KIZ: variants seen among roughly 807,000 people sequenced by gnomAD.
KIZ encodes the protein kizuna centrosomal protein.
A neutral mutation model predicts 79.6 loss-of-function variants in KIZ; 68 were observed. The observed-to-expected ratio is 0.85, with a 90% CI of 0.70 to 1.05. KIZ has a LOEUF of 1.05. Ranked by LOEUF, KIZ falls within the 50% of genes least tolerant of loss-of-function variation. The probability of loss-of-function intolerance (pLI) is 0.00; values close to 1 mark genes in which losing one functional copy is unlikely to be tolerated. For synonymous variants in KIZ, 280 were observed against 281.8 expected (o/e 0.99, Z 0.06); for missense variants, 797 against 800.4 (o/e 1.00, Z 0.05).
At chr20:21,215,533 T>G in intron 8 of KIZ, 50 bp from the exon 9 acceptor site, 1 of 1,094,586 alleles carries the variant, frequency 9.1e-7, no homozygotes, top group Non-Finnish European at 1.4e-6. Flanking sequence ...CCAAAGGATC[T>G]ATTCCTTAAC....
chr20:21,151,376 CTCTGTGGCAGTAT>C (rs1207689775), intron 4 of KIZ: 1 of 152,144 alleles, frequency 6.6e-6, no homozygotes, highest in African/African-American at 2.4e-5. Flanking sequence ...CTTTGCTCTT[CTCTGTGGCAGTAT>C]TCTGTGGCAA....
At chr20:21,166,148 ATT>A (rs34056823) in intron 6 of KIZ, 4,843 of 657,210 alleles carry the variant, frequency 7.4e-3, no homozygotes, top group Middle Eastern at 0.011. Context: ...TGTATTTTGT[ATT>A]TTTTTTTTTT....
At chr20:21,169,190 A>G (rs1021970004) in intron 6 of KIZ, among the ~76,000 whole-genome samples, 4 of 152,206 alleles carry the variant, frequency 2.6e-5, no homozygotes, top group Non-Finnish European at 5.9e-5. Context: ...CTCATCTGAC[A>G]AAGGGCTAAT....
chr20:21,224,155 T>C, intron 9 of KIZ, among the ~76,000 whole-genome samples: 1 of 151,950 alleles, frequency 6.6e-6, no homozygotes. Context: ...CACCATGCAG[T>C]GGTGCAGATA....
intron 4 of KIZ, among the ~76,000 whole-genome samples, chr20:21,156,058 TG>T (rs759135847): frequency 6.6e-6 from 1 of 152,206 alleles, no homozygotes; most frequent in African/African-American, 2.4e-5. Flanking sequence ...TCCTCAGTAC[TG>T]GGGGGTTATA....
In KIZ at chr20:21,204,110, T is replaced by TG. The variant is rs2035708748; in HGVS notation, c.1353-1381_1353-1380insG. 2.4e-5 allele frequency among the ~76,000 whole-genome samples: 3 copies of TG among 125,354 alleles called. No homozygotes were observed. The South Asian group carries it at 8.2e-4, about 34-fold the overall frequency. The allele number at this position is 125,354 out of a possible 152,430, so 82.2% of individuals were successfully genotyped here. A position where few individuals can be genotyped will look rare whatever the true frequency, so the allele number is the denominator to read the frequency against. ...TCCCCTTAAGAGTCATCTATGTTTT[T>TG]TTTTTTTTTTTTTTTTTTTTTTTGA... On this transcript the variant is annotated intron_variant, in intron 6 of 12. Transcript: ENST00000619189.
chr20:21,137,152 T>A (rs1447816972), intron 3 of KIZ, among the ~76,000 whole-genome samples: 1 of 152,220 alleles, frequency 6.6e-6, no homozygotes, highest in African/African-American at 2.4e-5. Flanking sequence ...AAACAGTGCA[T>A]TGGGAGAGTA....
At chr20:21,243,044 A>AGT in intron 11 of KIZ, among the ~76,000 whole-genome samples, 1 of 152,152 alleles carries the variant, frequency 6.6e-6, no homozygotes, top group South Asian at 2.1e-4. Context: ...AGTTGCATTT[A>AGT]GTGTGTGTGT....
intron 6 of KIZ, among the ~76,000 whole-genome samples, chr20:21,175,552 C>T (rs1297280939): frequency 6.6e-6 from 1 of 152,180 alleles, no homozygotes; most frequent in Admixed American, 6.5e-5. Context: ...CTGAGAAGCA[C>T]TTGGTGAAGG....
At chr20:21,194,426 C>T (rs2035250522) in intron 6 of KIZ, 2 of 152,184 alleles carry the variant, frequency 1.3e-5, no homozygotes, top group East Asian at 1.9e-4. Flanking sequence ...TTCTATAACA[C>T]ATAGTCTTTA....
At chr20:21,144,267 A>G (rs770607454) in intron 3 of KIZ, 9 of 152,186 alleles carry the variant, frequency 5.9e-5, no homozygotes, top group Non-Finnish European at 1.0e-4. Context: ...GTAAGAAAAC[A>G]TTTGTAGTCA....
intron 6 of KIZ, among the ~76,000 whole-genome samples, chr20:21,183,081 A>G (rs2034727069): frequency 6.6e-6 from 1 of 152,194 alleles, no homozygotes; most frequent in African/African-American, 2.4e-5. Context: ...TGAGTAGGCA[A>G]CTGCACGATT....
intron 6 of KIZ, among the ~76,000 whole-genome samples, chr20:21,173,098 T>TC (rs1209825398): frequency 6.6e-6 from 1 of 152,156 alleles, no homozygotes; most frequent in Non-Finnish European, 1.5e-5. Context: ...GGGTTGAACT[T>TC]CAATTGAAAT....
chr20:21,238,082 C>T (rs1164583417), intron 11 of KIZ, among the ~76,000 whole-genome samples: 1 of 152,076 alleles, frequency 6.6e-6, no homozygotes, highest in African/African-American at 2.4e-5. Flanking sequence ...CCACTCTCCT[C>T]GGCCTCCCAA....
chr20:21,226,345 T>A (rs925191086), intron 9 of KIZ: 2 of 152,374 alleles, frequency 1.3e-5, no homozygotes, highest in African/African-American at 4.8e-5. Context: ...ATGCCCACCC[T>A]GTCCAGTCTG....
rs2036429885 is a variant in KIZ, at chr20:21,219,463, A to G, written c.1678+3815A>G. On this transcript the variant is annotated intron_variant, in intron 9 of 12. Transcript: ENST00000619189. ...CTCCCAAGTAGCTGGGACTACAGGC[A>G]TGCACCACCATGCCTGGCTAATTTT... is the stretch of plus-strand genomic sequence containing the variant. Among the ~76,000 whole-genome samples, 6 of 152,180 alleles carry G rather than the reference A, an allele frequency of 3.9e-5. No individual in the cohort carries two copies. In the South Asian group the frequency reaches 1.2e-3, roughly 32 times the overall value.
chr20:21,145,543 A>G, intron 3 of KIZ, 22 bp from the exon 4 acceptor site: 1 of 1,232,800 alleles, frequency 8.1e-7, no homozygotes, highest in Non-Finnish European at 1.1e-6. Context: ...TTATCACAAA[A>G]TCAAACTTTC....
At chr20:21,202,354 A>G (rs530485484) in intron 6 of KIZ, 1 of 152,328 alleles carries the variant, frequency 6.6e-6, no homozygotes, top group South Asian at 2.1e-4. Flanking sequence ...TGGTCAGTGC[A>G]TTTTCCCAGC....
chr20:21,226,218 A>G (rs988456345), intron 9 of KIZ: 3 of 152,236 alleles, frequency 2.0e-5, no homozygotes, highest in African/African-American at 7.2e-5. Context: ...TGCTCTATAG[A>G]CAAGTCATGT....
Sources: gnomAD v4.1 joint callset for allele counts (sites outside exome capture counted in the v4.1 genomes callset) on GRCh38, gnomAD v4.1.1 for gene constraint, MANE v1.5 for transcripts, NCBI Gene and HGNC (gene_info 2026-07-23, HGNC 2026-07-21) for gene names.